DLC1: variants seen among roughly 807,000 people sequenced by gnomAD.
The protein encoded by DLC1 is DLC1 Rho GTPase activating protein.
A neutral mutation model predicts 140.3 loss-of-function variants in DLC1; 54 were observed. That is an observed-to-expected ratio of 0.38 (90% CI 0.31 to 0.48). The LOEUF is 0.48. Ranked by LOEUF, DLC1 falls within the 20% of genes least tolerant of loss-of-function variation. The pLI is 0.96. For synonymous variants in DLC1, 986 were observed against 728.1 expected (o/e 1.35, Z -5.70); for missense variants, 2,536 against 1,907.0 (o/e 1.33, Z -6.14).
intron 5 of DLC1, among the ~76,000 whole-genome samples, chr8:13,186,269 T>G (rs1399263933): frequency 6.6e-6 from 1 of 152,216 alleles, no homozygotes. Context: ...ATTCTGCCCA[T>G]CACTTTCGGG....
At chr8:13,330,562 A>T (rs1833543270) in intron 4 of DLC1, among the ~76,000 whole-genome samples, 1 of 152,132 alleles carries the variant, frequency 6.6e-6, no homozygotes, top group African/African-American at 2.4e-5. Flanking sequence ...ATAGGCCAGC[A>T]CATTCAAACC....
At chr8:13,305,364 G>C in intron 4 of DLC1, 62 bp from the exon 5 acceptor site, 10 of 1,488,164 alleles carry the variant, frequency 6.7e-6, no homozygotes, top group African/African-American at 1.4e-5. Context: ...AGCATCATTA[G>C]AAATAAAACG....
Position 13,526,593 on chromosome 8 carries a change from T to TA in DLC1, c.-125-26398dup, listed in dbSNP as rs1270319852. On this transcript the variant is annotated intron_variant, in intron 1 of 1. Transcript: ENST00000631382. ...TATTTTTAAAAATTCTATGCAGCCA[T>TA]AAAAAAGGATGAGTTCATGTCCTTT... Among the ~76,000 whole-genome samples the TA allele has an allele frequency of 2.0e-5, 3 of 152,056 alleles. No individual in the cohort carries two copies. The East Asian group carries it at 5.8e-4, about 29-fold the overall frequency.
intron 4 of DLC1, among the ~76,000 whole-genome samples, chr8:13,367,787 G>A (rs1835555625): frequency 6.6e-6 from 1 of 152,144 alleles, no homozygotes; most frequent in South Asian, 2.1e-4. Context: ...TGGCCAGTCT[G>A]CCAGCACCAG....
At chr8:13,410,839 C>A (rs1016744045) in intron 2 of DLC1, among the ~76,000 whole-genome samples, 1 of 152,082 alleles carries the variant, frequency 6.6e-6, no homozygotes. Flanking sequence ...TGATGCAAAC[C>A]AAGAATCTGC....
At chr8:13,413,256 A>ATTTTGTTTTTTTTTTTTTTTTTT (rs1837875734) in intron 2 of DLC1, among the ~76,000 whole-genome samples, 1 of 82,006 alleles carries the variant, frequency 1.2e-5, no homozygotes, top group African/African-American at 5.0e-5. Flanking sequence ...TTTTTTTGCG[A>ATTTTGTTTTTTTTTTTTTTTTTT]TTTTTTTTTT....
chr8:13,600,867 T>C (rs1360316019), intron 1 of DLC1, among the ~76,000 whole-genome samples: 1 of 151,884 alleles, frequency 6.6e-6, no homozygotes, highest in African/African-American at 2.4e-5. Flanking sequence ...TGCCTATTGG[T>C]AATGTACAGT....
At position 13,085,312 on chromosome 8, in the gene DLC1, T is replaced by C. The variant is rs566334611; in HGVS notation, c.*499A>G. On this transcript the variant is annotated 3_prime_UTR_variant, in exon 18 of 18. Transcript: ENST00000276297. ...AGTGTGCCAGACACTGAATCCACCT[T>C]AGACATCTATTGCCATTCAGCCAGC... 11 of 153,340 alleles carry C rather than the reference T, an allele frequency of 7.2e-5. No homozygotes were observed. The South Asian group carries it at 1.9e-3, about 26-fold the overall frequency. 9.5% of individuals were successfully genotyped at this position (153,340 alleles called of 1,614,324 possible).
intron 4 of DLC1, among the ~76,000 whole-genome samples, chr8:13,311,937 T>C (rs968472392): frequency 2.6e-5 from 4 of 152,216 alleles, no homozygotes; most frequent in African/African-American, 7.2e-5. Context: ...TCCTGCAGAA[T>C]ATTTTACTCC....
intron 5 of DLC1, among the ~76,000 whole-genome samples, chr8:13,292,594 G>C (rs929526235): frequency 2.0e-5 from 3 of 152,076 alleles, no homozygotes; most frequent in African/African-American, 7.2e-5. Context: ...CATCATTGCA[G>C]TTGGGGTGCA....
intron 4 of DLC1, among the ~76,000 whole-genome samples, chr8:13,315,154 C>T (rs73663543): frequency 0.02 from 2,975 of 152,262 alleles, 116 homozygotes; most frequent in African/African-American, 0.067. Context: ...GTAGCTCATG[C>T]TTGGAATCCC....
intron 2 of DLC1, among the ~76,000 whole-genome samples, chr8:13,479,240 T>A (rs2117107293): frequency 6.6e-6 from 1 of 152,254 alleles, no homozygotes; most frequent in Admixed American, 6.5e-5. Flanking sequence ...ATAAGAAAGT[T>A]AAAAATATGA....
chr8:13,539,936 T>C (rs1455985466), intron 1 of DLC1, among the ~76,000 whole-genome samples: 1 of 152,190 alleles, frequency 6.6e-6, no homozygotes, highest in African/African-American at 2.4e-5. Context: ...CAAAACCTTT[T>C]CAATGCAGCA....
chr8:13,131,783 C>G (rs1425261901), intron 5 of DLC1, among the ~76,000 whole-genome samples: 1 of 152,192 alleles, frequency 6.6e-6, no homozygotes. Context: ...ACAGCGAGGT[C>G]CTGTCACTGC....
chr8:13,268,791 A>G (rs769225701), intron 5 of DLC1, among the ~76,000 whole-genome samples: 29 of 151,496 alleles, frequency 1.9e-4, no homozygotes, highest in Non-Finnish European at 3.2e-4. Flanking sequence ...AGTGGGGCCT[A>G]TAAGTATCTT....
chr8:13,249,955 C>A (rs1297249566), intron 5 of DLC1, among the ~76,000 whole-genome samples: 3 of 152,162 alleles, frequency 2.0e-5, no homozygotes, highest in African/African-American at 7.2e-5. Context: ...CTGCCAGAAC[C>A]CTCCAGGATG....
chr8:13,308,582 C>T (rs752734107), intron 4 of DLC1, among the ~76,000 whole-genome samples: 5 of 151,988 alleles, frequency 3.3e-5, no homozygotes, highest in African/African-American at 7.3e-5. Flanking sequence ...TTAGTTAAAG[C>T]GGATTGTTAA....
In DLC1 at chr8:13,327,338, A is replaced by G. The variant is rs79776615; in HGVS notation, c.1315-22036T>C. On this transcript the variant is annotated intron_variant, in intron 4 of 17. Transcript: ENST00000276297. ...GTGATGCCCCAAATGGGATCTGACC[A>G]AGAAAGACTATTTCTAGAATTCAGA... 1.8e-3 allele frequency among the ~76,000 whole-genome samples: 279 copies of G among 152,232 alleles called. 1 individual carries two copies. Among genetic ancestry groups the G allele is most frequent in the African/African-American group, 6.5e-3 (269 of 41,546 alleles).
chr8:13,165,269 A>G (rs1226851442), intron 5 of DLC1, among the ~76,000 whole-genome samples: 1 of 152,142 alleles, frequency 6.6e-6, no homozygotes, highest in Non-Finnish European at 1.5e-5. Context: ...AGTAGTCTTA[A>G]TGAGATTCTA....
Sources: allele counts gnomAD v4.1 joint callset (sites outside exome capture counted in the v4.1 genomes callset), GRCh38; gene constraint gnomAD v4.1.1; transcripts MANE v1.5; gene names NCBI Gene and HGNC (gene_info 2026-07-23, HGNC 2026-07-21).